Variants in WNT7B observed in about 807,000 individuals in gnomAD.
The protein encoded by WNT7B is Wnt family member 7B.
In WNT7B, 19 loss-of-function variants were observed where a neutral mutation model predicts 38.2. That is an observed-to-expected ratio of 0.50 (90% CI 0.35 to 0.73). The LOEUF (loss-of-function observed/expected upper bound fraction) is 0.73. Among genes scored for constraint, WNT7B ranks in the 30% least tolerant of loss-of-function variants. WNT7B has a pLI of 0.01. For synonymous variants in WNT7B, 243 were observed against 209.3 expected (o/e 1.16, Z -1.39); for missense variants, 423 against 507.9 (o/e 0.83, Z 1.61).
intron 2 of WNT7B, among the ~76,000 whole-genome samples, chr22:45,932,177 T>TTGCC (rs1931384693): frequency 6.6e-6 from 1 of 152,136 alleles, no homozygotes; most frequent in Non-Finnish European, 1.5e-5. Flanking sequence ...CCTCTGCCGG[T>TTGCC]AGAGCCAAGC....
At chr22:45,970,848 G>C (rs527358974) in intron 1 of WNT7B, among the ~76,000 whole-genome samples, 1 of 152,212 alleles carries the variant, frequency 6.6e-6, no homozygotes, top group African/African-American at 2.4e-5. Flanking sequence ...CTGCTCAGGC[G>C]GTCCCCACCC....
chr22:45,972,815 C>T (rs1023767729), intron 1 of WNT7B: 2 of 152,420 alleles, frequency 1.3e-5, no homozygotes, highest in Non-Finnish European at 2.9e-5. Context: ...TTGTGCTCCT[C>T]TTGGGGGGCT....
intron 2 of WNT7B, among the ~76,000 whole-genome samples, chr22:45,948,061 G>T (rs1931837915): frequency 6.6e-6 from 1 of 152,214 alleles, no homozygotes; most frequent in East Asian, 1.9e-4. Context: ...TTCCACGTCT[G>T]CCCCTCTCCT....
At chr22:45,962,251 C>A (rs528965098) in intron 1 of WNT7B, among the ~76,000 whole-genome samples, 2 of 152,314 alleles carry the variant, frequency 1.3e-5, no homozygotes, top group South Asian at 4.1e-4. Context: ...ACACAAGGGG[C>A]CCGCAGCTAA....
chr22:45,943,037 G>A (rs371037373), intron 2 of WNT7B, among the ~76,000 whole-genome samples: 23 of 137,040 alleles, frequency 1.7e-4, no homozygotes, highest in African/African-American at 3.4e-4. Context: ...GTGTGTGCGC[G>A]TGTGTGCAGC....
At chr22:45,929,715 TGAA>T (rs1931251965) in intron 3 of WNT7B, among the ~76,000 whole-genome samples, 2 of 146,914 alleles carry the variant, frequency 1.4e-5, no homozygotes, top group African/African-American at 5.2e-5. Context: ...CATCCACCCG[TGAA>T]TCCACTCACC....
intron 3 of WNT7B, 32 bp downstream of exon 3, chr22:45,931,066 T>C (rs2042166854): frequency 1.3e-6 from 2 of 1,536,560 alleles, no homozygotes; most frequent in African/African-American, 2.7e-5. Flanking sequence ...CGGTCCCAGC[T>C]ACGGCCCCCA....
chr22:45,931,312 A>G lies in WNT7B; in HGVS notation c.356T>C (p.Val119Ala). The G allele has an allele frequency of 6.3e-7, 1 of 1,597,366 alleles. No homozygotes were observed. Among genetic ancestry groups the G allele is most frequent in the Non-Finnish European group, 8.5e-7 (1 of 1,179,102 alleles). The change falls in exon 3 of 4, where the codon GTC becomes GCC. Residue 119 changes from valine to alanine, a missense_variant. Physicochemically the swap from Val to Ala is moderately conservative, Grantham distance 64. Coordinates refer to ENST00000339464, the MANE Select transcript of WNT7B (RefSeq NM_058238.3). ...GTTCCCTTGGCTGCAGGCAGCGGTGACGGCGTGCGCCACGCCAGCCGCGGT... is the reference window on the plus strand; with the variant it reads ...GTTCCCTTGGCTGCAGGCAGCGGTGGCGGCGTGCGCCACGCCAGCCGCGGT... ...AITAAGVAHA[V>A]TAACSQGNLS...
intron 2 of WNT7B, among the ~76,000 whole-genome samples, chr22:45,939,144 T>TATGCTGGTGGCAGTGTGAG (rs948326051): frequency 1.3e-5 from 2 of 152,134 alleles, no homozygotes; most frequent in Admixed American, 6.5e-5. Context: ...GGGACCCCTG[T>TATGCTGGTGGCAGTGTGAG]ATGCTGGTGG....
chr22:45,976,629 G>A lies in WNT7B; in HGVS notation c.71+55C>T. On this transcript the variant is annotated intron_variant, in intron 1 of 3. Coordinates refer to ENST00000339464, the MANE Select transcript of WNT7B (RefSeq NM_058238.3). The surrounding 1 kb of genome is among the most constrained non-coding windows in gnomAD (Gnocchi z 8.5). Reference sequence around the variant, plus strand: ...TCCCCACGGGGACGCCCCGGAGGCAGCTCCTTCGTGCTGTCTTGGCCCCTG... The same window carrying A: ...TCCCCACGGGGACGCCCCGGAGGCAACTCCTTCGTGCTGTCTTGGCCCCTG... 1 of 1,571,238 alleles carries A rather than the reference G, an allele frequency of 6.4e-7. No individual in the cohort carries two copies. Among genetic ancestry groups the A allele is most frequent in the Non-Finnish European group, 8.7e-7 (1 of 1,154,382 alleles).
intron 1 of WNT7B, among the ~76,000 whole-genome samples, chr22:45,969,887 G>A (rs931622175): frequency 6.6e-6 from 1 of 152,184 alleles, no homozygotes; most frequent in Non-Finnish European, 1.5e-5. Flanking sequence ...CAATGCCATC[G>A]AGTGCGCCTG....
Position 45,965,549 on chromosome 22 carries a change from G to A in WNT7B, c.71+11135C>T, listed in dbSNP as rs79521272. 0.015 allele frequency among the ~76,000 whole-genome samples: 2,318 copies of A among 152,240 alleles called. 27 individuals are homozygous for A. Among genetic ancestry groups the A allele is most frequent in the African/African-American group, 0.043 (1,769 of 41,530 alleles). On this transcript the variant is annotated intron_variant, in intron 1 of 3. Coordinates refer to ENST00000339464, the MANE Select transcript of WNT7B (RefSeq NM_058238.3). This position sits in a 1 kb window ranked among gnomAD's most constrained non-coding sequence, Gnocchi z 6.5. ...TGGGGAAACTGAGGCCCAGAGAAGG[G>A]GAGGGATACCCTCAAGGTTGCCGCA...
chr22:45,931,708 A>C (rs1931366839), intron 2 of WNT7B, among the ~76,000 whole-genome samples: 1 of 152,146 alleles, frequency 6.6e-6, no homozygotes. Context: ...GGAGAGGCCC[A>C]GTTTCTCCAG....
chr22:45,957,890 G>C (rs1199006097), intron 1 of WNT7B, among the ~76,000 whole-genome samples: 1 of 152,198 alleles, frequency 6.6e-6, no homozygotes, highest in Non-Finnish European at 1.5e-5. Flanking sequence ...TGCCCTGCCA[G>C]GGCTCCTCTG....
rs1931923405 is a variant in WNT7B at position 45,951,140 on chromosome 22, T to C, written c.72-994A>G. Among the ~76,000 whole-genome samples, 2 of 152,188 alleles carry C rather than the reference T, an allele frequency of 1.3e-5. No individual in the cohort carries two copies. The highest frequency in any genetic ancestry group is 1.3e-4 in the Admixed American group (2 of 15,286). Reference sequence around the variant, plus strand: ...TCGCGCAGGCTGGAGTGCAGTGGTGTGATCTCAGCTCACTGCAACCTCCAC... The same window carrying C: ...TCGCGCAGGCTGGAGTGCAGTGGTGCGATCTCAGCTCACTGCAACCTCCAC... On this transcript the variant is annotated intron_variant, in intron 1 of 3. Coordinates refer to ENST00000339464, the MANE Select transcript of WNT7B (RefSeq NM_058238.3). The surrounding 1 kb of genome is among the most constrained non-coding windows in gnomAD (Gnocchi z 4.8).
chr22:45,975,516 C>T lies in WNT7B; in HGVS notation c.71+1168G>A. The T allele has an allele frequency of 1.4e-6, 1 of 716,316 alleles. No homozygotes were observed. Among genetic ancestry groups the T allele is most frequent in the South Asian group, 1.5e-5 (1 of 67,416 alleles). The allele number at this position is 716,316 out of a possible 1,614,324, so 44.4% of individuals were successfully genotyped here. A position where few individuals can be genotyped will look rare whatever the true frequency, so the allele number is the denominator to read the frequency against. ...GCCTCTGAAGCCACTGGCTTTGTCT[C>T]TGCAGGCCTTGGGCCTCAGTTTCTC... On this transcript the variant is annotated intron_variant, in intron 1 of 3. Coordinates refer to ENST00000339464, the MANE Select transcript of WNT7B (RefSeq NM_058238.3). The surrounding 1 kb of genome is among the most constrained non-coding windows in gnomAD (Gnocchi z 6.6).
intron 2 of WNT7B, among the ~76,000 whole-genome samples, chr22:45,946,929 C>G (rs1037765281): frequency 1.3e-5 from 2 of 152,270 alleles, no homozygotes; most frequent in Non-Finnish European, 2.9e-5. Flanking sequence ...CCCACCCACA[C>G]AGGCCAAGCC....
chr22:45,961,818 T>C (rs1329960896), intron 1 of WNT7B, among the ~76,000 whole-genome samples: 2 of 152,210 alleles, frequency 1.3e-5, no homozygotes, highest in African/African-American at 2.4e-5. Context: ...TGCTTGGGTT[T>C]GGGGTCCTGT....
chr22:45,929,942 T>A (rs200223361), intron 3 of WNT7B, among the ~76,000 whole-genome samples: 26,126 of 94,798 alleles, frequency 0.28, 2,357 homozygotes, highest in African/African-American at 0.37. Flanking sequence ...CCACTCATCC[T>A]TCCATCCATC....
Sources: gnomAD v4.1 joint callset for allele counts (sites outside exome capture counted in the v4.1 genomes callset) on GRCh38, gnomAD v4.1.1 for gene constraint, Gnocchi (gnomAD v3.1) non-coding constraint, MANE v1.5 for transcripts, NCBI Gene and HGNC (gene_info 2026-07-23, HGNC 2026-07-21) for gene names.